GRIK4: variants seen among roughly 807,000 people sequenced by gnomAD.
GRIK4 encodes glutamate ionotropic receptor kainate type subunit 4.
A neutral mutation model predicts 104.9 loss-of-function variants in GRIK4; 40 were observed. The observed-to-expected ratio is 0.38, with a 90% CI of 0.30 to 0.50. The LOEUF (loss-of-function observed/expected upper bound fraction) is 0.50. Among genes scored for constraint, GRIK4 ranks in the 20% least tolerant of loss-of-function variants. The probability of loss-of-function intolerance (pLI) is 0.93; values close to 1 mark genes in which losing one functional copy is unlikely to be tolerated. For synonymous variants in GRIK4, 485 were observed against 524.9 expected, an observed-to-expected ratio of 0.92 and a Z score of 1.04; for missense variants, 1,047 against 1,308.1, an observed-to-expected ratio of 0.80 and a Z score of 3.08.
chr11:120,678,464 G>A (rs1474492049), intron 3 of GRIK4, among the ~76,000 whole-genome samples: 4 of 152,058 alleles, frequency 2.6e-5, no homozygotes, highest in African/African-American at 4.8e-5. Flanking sequence ...TTACTTATGC[G>A]GCTAATAGCT....
At chr11:120,631,912 C>T (rs1405883459) in intron 1 of GRIK4, among the ~76,000 whole-genome samples, 1 of 142,664 alleles carries the variant, frequency 7.0e-6, no homozygotes, top group African/African-American at 2.9e-5. Context: ...ATGAGAACAC[C>T]AACTTGGAGT....
At chr11:120,792,307 A>G (rs1345338233) in intron 3 of GRIK4, among the ~76,000 whole-genome samples, 1 of 150,770 alleles carries the variant, frequency 6.6e-6, no homozygotes, top group East Asian at 1.9e-4. Flanking sequence ...TAGAAGGTAG[A>G]GAGGGATGAG....
intron 1 of GRIK4, among the ~76,000 whole-genome samples, chr11:120,602,792 T>C (rs1341508132): frequency 6.6e-6 from 1 of 152,216 alleles, no homozygotes; most frequent in Non-Finnish European, 1.5e-5. Flanking sequence ...AGCCTTGGAC[T>C]CCTGGGCTCA....
intron 4 of GRIK4, among the ~76,000 whole-genome samples, chr11:120,805,598 G>A (rs1420977846): frequency 6.6e-6 from 1 of 152,178 alleles, no homozygotes; most frequent in Non-Finnish European, 1.5e-5. Context: ...TGTGTTTGAG[G>A]TACGATTAGC....
chr11:120,654,588 C>T (rs1363400668), intron 2 of GRIK4, among the ~76,000 whole-genome samples: 1 of 152,122 alleles, frequency 6.6e-6, no homozygotes, highest in Non-Finnish European at 1.5e-5. Flanking sequence ...GTCTCAAACT[C>T]CTGACCTCAC....
Position 120,814,316 on chromosome 11 carries a change from G to A in GRIK4, c.248-1062G>A, listed in dbSNP as rs542964327. On this transcript the variant is annotated intron_variant, in intron 4 of 20. Transcript: ENST00000527524. ...TGTTAATTCCATCTAAAGGAGCCCA[G>A]TGGTGGGGTGCGGTGGCTCATGCCT... Among the ~76,000 whole-genome samples, 117 of 152,304 alleles carry A rather than the reference G, an allele frequency of 7.7e-4. No individual in the cohort carries two copies. In the Middle Eastern group the frequency reaches 0.01, roughly 13 times the overall value.
At chr11:120,860,279 G>A (rs1160967683) in intron 8 of GRIK4, among the ~76,000 whole-genome samples, 9 of 151,912 alleles carry the variant, frequency 5.9e-5, no homozygotes, top group East Asian at 1.9e-4. Context: ...TTCCGGGAGC[G>A]GGGATCAGTG....
At chr11:120,753,571 A>G (rs1020081025) in intron 3 of GRIK4, among the ~76,000 whole-genome samples, 40 of 152,074 alleles carry the variant, frequency 2.6e-4, no homozygotes, top group African/African-American at 9.4e-4. Flanking sequence ...TTTGAATGAG[A>G]GACTACATAC....
chr11:120,671,578 T>C (rs1364166719), intron 3 of GRIK4, among the ~76,000 whole-genome samples: 1 of 152,050 alleles, frequency 6.6e-6, no homozygotes, highest in African/African-American at 2.4e-5. Context: ...TGGGGTTGTT[T>C]GTTTTTTTCT....
chr11:120,554,410 C>T (rs1474013913), intron 1 of GRIK4, among the ~76,000 whole-genome samples: 4 of 152,192 alleles, frequency 2.6e-5, no homozygotes, highest in African/African-American at 9.7e-5. Context: ...AACCTTGCAG[C>T]CCCTGCATGG....
chr11:120,585,032 G>C (rs949222728), intron 1 of GRIK4, among the ~76,000 whole-genome samples: 2 of 152,058 alleles, frequency 1.3e-5, no homozygotes, highest in African/African-American at 4.8e-5. Context: ...TTTTTTTGTT[G>C]TGTCTGTGCC....
intron 3 of GRIK4, among the ~76,000 whole-genome samples, chr11:120,678,760 T>C (rs1238137709): frequency 2.6e-5 from 4 of 151,788 alleles, no homozygotes; most frequent in African/African-American, 4.8e-5. Flanking sequence ...CAGCCTCCCA[T>C]GTAGCTGGGA....
intron 1 of GRIK4, among the ~76,000 whole-genome samples, chr11:120,580,601 C>T (rs1211987845): frequency 6.6e-6 from 1 of 151,204 alleles, no homozygotes; most frequent in Non-Finnish European, 1.5e-5. Flanking sequence ...CAGGGTTTTG[C>T]TCTGTCATCC....
At chr11:120,558,470 C>T (rs1948208403) in intron 1 of GRIK4, among the ~76,000 whole-genome samples, 1 of 152,188 alleles carries the variant, frequency 6.6e-6, no homozygotes, top group South Asian at 2.1e-4. Context: ...CGCCTGTAGT[C>T]CCAGCTACTC....
intron 3 of GRIK4, among the ~76,000 whole-genome samples, chr11:120,782,686 C>G (rs772017130): frequency 6.6e-6 from 1 of 152,082 alleles, no homozygotes; most frequent in African/African-American, 2.4e-5. Context: ...AGATTCCTCC[C>G]GTGGCTATGT....
intron 6 of GRIK4, among the ~76,000 whole-genome samples, chr11:120,830,027 CCTTCCCAGGG>C (rs1256036085): frequency 2.6e-5 from 4 of 152,238 alleles, no homozygotes; most frequent in African/African-American, 7.2e-5. Flanking sequence ...AAATAACAGG[CCTTCCCAGGG>C]CTTCTTCCCA....
chr11:120,843,836 G>A (rs965796382), intron 8 of GRIK4, among the ~76,000 whole-genome samples: 1 of 152,170 alleles, frequency 6.6e-6, no homozygotes, highest in Admixed American at 6.5e-5. Flanking sequence ...ATGTTCCCTG[G>A]AGTGAGGGGA....
At chr11:120,650,948 A>T (rs548613747) in intron 1 of GRIK4, among the ~76,000 whole-genome samples, 2 of 152,320 alleles carry the variant, frequency 1.3e-5, no homozygotes, top group African/African-American at 4.8e-5. Context: ...AGCAGAGGAA[A>T]TGGAAGCCCC....
At chr11:120,550,576 G>T (rs1472762465) in intron 1 of GRIK4, among the ~76,000 whole-genome samples, 1 of 152,080 alleles carries the variant, frequency 6.6e-6, no homozygotes, top group African/African-American at 2.4e-5. Flanking sequence ...TCTGGGGTAT[G>T]CCAATGTTAG....
Sources: allele counts gnomAD v4.1 joint callset (sites outside exome capture counted in the v4.1 genomes callset), GRCh38; gene constraint gnomAD v4.1.1; transcripts MANE v1.5; gene names NCBI Gene and HGNC (gene_info 2026-07-23, HGNC 2026-07-21).